The following ZNF90 variants were observed in gnomAD, a reference collection of about 807,000 sequenced individuals.
ZNF90 encodes zinc finger protein HTF9.
A neutral mutation model predicts 12.0 loss-of-function variants in ZNF90; 11 were observed. That is an observed-to-expected ratio of 0.92 (90% CI 0.58 to 1.52). The LOEUF (loss-of-function observed/expected upper bound fraction) is 1.52, where lower values mean the gene tolerates loss of function less well. Among genes scored for constraint, ZNF90 ranks in the 40% most tolerant of loss-of-function variants. ZNF90 has a pLI of 0.00. For missense variants in ZNF90, 765 were observed against 711.5 expected (o/e 1.08, Z -0.86); for synonymous variants, 232 against 240.1 (o/e 0.97, Z 0.31).
At chr19:20,093,374 G>T (rs1034156531) in intron 1 of ZNF90, among the ~76,000 whole-genome samples, 3 of 152,162 alleles carry the variant, frequency 2.0e-5, no homozygotes, top group Non-Finnish European at 4.4e-5. Context: ...TTGGTGTTGA[G>T]CAGGGTAAGG....
intron 1 of ZNF90, chr19:20,080,395 A>G (rs1051131272): frequency 2.4e-6 from 1 of 408,378 alleles, no homozygotes; most frequent in East Asian, 6.8e-5. Context: ...TTACCTCCCC[A>G]CAAACGGACT....
intron 1 of ZNF90, among the ~76,000 whole-genome samples, chr19:20,096,146 T>C (rs1229991784): frequency 2.0e-5 from 3 of 151,650 alleles, no homozygotes; most frequent in Non-Finnish European, 4.4e-5. Context: ...GGTTGAGGGA[T>C]AGTGAGGGAG....
At position 20,117,916 on chromosome 19, in the gene ZNF90, A is replaced by G; in HGVS notation, c.362A>G (p.Asp121Gly). 6.2e-7 allele frequency: 1 copy of G among 1,613,208 alleles called. No individual in the cohort carries two copies. Among genetic ancestry groups the G allele is most frequent in the East Asian group, 2.2e-5 (1 of 44,858 alleles). The stretch of plus-strand genomic sequence containing the variant: ...TTAAAAAAAGGTTGTGAAAGTGTGG[A>G]TGAGGGTAAAGTACACAAAAGAGGT... ...LELKKGCESV[D>G]EGKVHKRGYN... Residue 121 changes from aspartate (D) to glycine (G), a missense_variant, in exon 4 of 4, where the codon GAT (aspartate) becomes GGT (glycine). Physicochemically the swap from Asp to Gly is moderately conservative, Grantham distance 94 (BLOSUM62 -1). Transcript: ENST00000418063.
intron 1 of ZNF90, among the ~76,000 whole-genome samples, chr19:20,094,295 G>A (rs1405881936): frequency 1.3e-5 from 2 of 152,188 alleles, no homozygotes; most frequent in East Asian, 3.9e-4. Flanking sequence ...TGGGGTTTGA[G>A]GGCCAGATTC....
intron 3 of ZNF90, among the ~76,000 whole-genome samples, chr19:20,109,374 A>G (rs1555704790): frequency 6.6e-6 from 1 of 152,144 alleles, no homozygotes. Context: ...ATCTTGTCTA[A>G]GTGAGTAGTC....
chr19:20,101,718 C>T (rs2088991636), intron 1 of ZNF90, among the ~76,000 whole-genome samples: 1 of 152,024 alleles, frequency 6.6e-6, no homozygotes, highest in Admixed American at 6.6e-5. Flanking sequence ...GGTGTAATTT[C>T]TCCAGAGAAT....
rs112359443 is a variant in ZNF90 at position 20,097,403 on chromosome 19, TA to T, written c.4-6834del. Among the ~76,000 whole-genome samples the T allele has an allele frequency of 4.0e-3, 613 of 152,346 alleles. 5 individuals carry two copies. Among genetic ancestry groups the T allele is most frequent in the African/African-American group, 0.014 (586 of 41,580 alleles). On this transcript the variant is annotated intron_variant, in intron 1 of 3. Coordinates refer to ENST00000418063, the MANE Select transcript of ZNF90 (RefSeq NM_007138.2). ...CAGAATTGTGTCTCAGCCTATTTAT[TA>T]ATCTATAGTCATCTACAGTCACTTC...
chr19:20,093,859 C>T (rs1047126237), intron 1 of ZNF90, among the ~76,000 whole-genome samples: 23 of 150,270 alleles, frequency 1.5e-4, no homozygotes, highest in African/African-American at 5.3e-4. Context: ...AGGGGGCTTC[C>T]GAGGCGATCG....
intron 1 of ZNF90, among the ~76,000 whole-genome samples, chr19:20,083,668 G>T (rs1390768100): frequency 2.6e-5 from 4 of 152,034 alleles, no homozygotes; most frequent in Admixed American, 2.6e-4. Context: ...CAGCATCATC[G>T]ATGTTATTGC....
intron 1 of ZNF90, among the ~76,000 whole-genome samples, chr19:20,104,036 T>C (rs2089010439): frequency 6.6e-6 from 1 of 152,222 alleles, no homozygotes. Context: ...TGAACTGATG[T>C]TGTGGATCCT....
intron 1 of ZNF90, among the ~76,000 whole-genome samples, chr19:20,096,134 G>T (rs2088943381): frequency 6.6e-6 from 1 of 152,194 alleles, no homozygotes; most frequent in Non-Finnish European, 1.5e-5. Context: ...GAAGGAGAAA[G>T]AGGTTGAGGG....
intron 1 of ZNF90, among the ~76,000 whole-genome samples, chr19:20,097,816 A>G (rs907074865): frequency 2.0e-5 from 3 of 152,248 alleles, no homozygotes; most frequent in Non-Finnish European, 2.9e-5. Context: ...AATTGCCACA[A>G]GTAGTTATAA....
chr19:20,101,474 TTGCTGGTGTCTG>T (rs1186750560), intron 1 of ZNF90, among the ~76,000 whole-genome samples: 1 of 152,164 alleles, frequency 6.6e-6, no homozygotes. Flanking sequence ...CTTAACTAAA[TTGCTGGTGTCTG>T]TGCTAGAAAA....
Position 20,105,963 on chromosome 19 carries a change from A to G in ZNF90, c.226+647A>G, listed in dbSNP as rs969507305. Among the ~76,000 whole-genome samples, 11 of 150,916 alleles carry G rather than the reference A, an allele frequency of 7.3e-5. No homozygotes were observed. The East Asian group carries it at 1.6e-3, about 21-fold the overall frequency. ...GAATCTATAGATCACTTTGGATAAT[A>G]TGGCACTTGAATAATATTTATTCTT... On this transcript the variant is annotated intron_variant, in intron 3 of 3. Coordinates refer to ENST00000418063, the MANE Select transcript of ZNF90 (RefSeq NM_007138.2).
intron 1 of ZNF90, among the ~76,000 whole-genome samples, chr19:20,100,288 A>G (rs996417097): frequency 5.3e-5 from 8 of 152,302 alleles, no homozygotes; most frequent in Admixed American, 3.9e-4. Flanking sequence ...CACCCATCAG[A>G]TAGCCAAATC....
At chr19:20,108,872 G>C (rs536729880) in intron 3 of ZNF90, among the ~76,000 whole-genome samples, 1 of 151,370 alleles carries the variant, frequency 6.6e-6, no homozygotes, top group African/African-American at 2.4e-5. Context: ...GACTACAGGC[G>C]TGCCACCACA....
rs544846501 is a variant in ZNF90 at position 20,085,541 on chromosome 19, T to C, written c.3+7406T>C. On this transcript the variant is annotated intron_variant, in intron 1 of 3. Coordinates refer to ENST00000418063, the MANE Select transcript of ZNF90 (RefSeq NM_007138.2). ...TCCCAAAGTGCTGGGATTACAGGCT[T>C]GAGCCACCGCGCCCGGCCAGTTGCA... 5.1e-3 allele frequency among the ~76,000 whole-genome samples: 779 copies of C among 151,824 alleles called. 7 individuals carry two copies. Among genetic ancestry groups the C allele is most frequent in the African/African-American group, 0.018 (747 of 41,390 alleles).
chr19:20,092,673 T>G (rs935864149), intron 1 of ZNF90, among the ~76,000 whole-genome samples: 2 of 152,262 alleles, frequency 1.3e-5, no homozygotes, highest in East Asian at 3.9e-4. Context: ...AGTTGTTGTT[T>G]TGTAGAAGGG....
intron 1 of ZNF90, among the ~76,000 whole-genome samples, chr19:20,083,217 TTGTCTC>T (rs1452970445): frequency 6.6e-6 from 1 of 152,230 alleles, no homozygotes; most frequent in East Asian, 1.9e-4. Flanking sequence ...TCTCTATACT[TTGTCTC>T]TGTGTCTCTT....
Sources: gnomAD v4.1 joint callset for allele counts (sites outside exome capture counted in the v4.1 genomes callset) on GRCh38, gnomAD v4.1.1 for gene constraint, MANE v1.5 for transcripts, NCBI Gene and HGNC (gene_info 2026-07-23, HGNC 2026-07-21) for gene names.